Variants in EFCAB10 observed in about 807,000 individuals in gnomAD.
EFCAB10 encodes the protein EF-hand calcium binding domain 10.
EFCAB10 carries 7 observed loss-of-function variants against 7.7 expected under a neutral mutation model. That is an observed-to-expected ratio of 0.91 (90% CI 0.52 to 1.72). The LOEUF is 1.72. Ranked by LOEUF, EFCAB10 falls within the 40% of genes most tolerant of loss-of-function variation. The pLI, the probability that EFCAB10 is intolerant of heterozygous loss-of-function variation, is 0.00. For synonymous variants in EFCAB10, 52 were observed against 21.0 expected (o/e 2.47, Z -4.03); for missense variants, 112 against 61.5 (o/e 1.82, Z -2.74).
intron 1 of EFCAB10, among the ~76,000 whole-genome samples, chr7:105,573,932 A>C (rs1792006842): frequency 6.6e-6 from 1 of 152,034 alleles, no homozygotes; most frequent in Non-Finnish European, 1.5e-5. Flanking sequence ...ATAGCTTTCA[A>C]ATTCATTTTA....
intron 1 of EFCAB10, among the ~76,000 whole-genome samples, chr7:105,574,984 G>A (rs974261313): frequency 1.3e-5 from 2 of 150,490 alleles, no homozygotes; most frequent in African/African-American, 4.9e-5. Context: ...GCATAGTGGT[G>A]CGTGCCTGTA....
intron 1 of EFCAB10, 87 bp downstream of exon 1, chr7:105,581,271 G>A (rs1341640916): frequency 3.0e-6 from 2 of 666,758 alleles, no homozygotes; most frequent in Admixed American, 2.2e-5. Flanking sequence ...GGGAGGCAGT[G>A]GAAAGCGAAT....
Position 105,565,416 on chromosome 7 carries a change from C to G in EFCAB10, c.*31G>C, listed in dbSNP as rs779310406. On this transcript the variant is annotated 3_prime_UTR_variant, in exon 5 of 5. Transcript: ENST00000480514. ...TTTCTCCTTATTTAAAATTTTCTGG[C>G]AAATGCTTGTAGAGAAGCTGGATGT... The G allele has an allele frequency of 6.2e-7, 1 of 1,614,114 alleles. No homozygotes were observed.
chr7:105,578,222 A>G lies in EFCAB10; in HGVS notation c.106+3136T>C, dbSNP rs566324480. Among the ~76,000 whole-genome samples the G allele has an allele frequency of 2.6e-5, 4 of 152,362 alleles. No individual in the cohort carries two copies. In the East Asian group the frequency reaches 5.8e-4, roughly 22 times the overall value. Reference sequence around the variant, plus strand: ...ACTCAAAATATCCCCGGTTTGGATGATAACTCATACAGTCATCTTACCCAT... The same window carrying G: ...ACTCAAAATATCCCCGGTTTGGATGGTAACTCATACAGTCATCTTACCCAT... On this transcript the variant is annotated intron_variant, in intron 1 of 4. Transcript: ENST00000480514.
chr7:105,576,909 C>G (rs980054893), intron 1 of EFCAB10, among the ~76,000 whole-genome samples: 1 of 152,124 alleles, frequency 6.6e-6, no homozygotes, highest in East Asian at 1.9e-4. Flanking sequence ...CAAAAATTAG[C>G]TGGGCATGGT....
chr7:105,577,095 AC>A (rs1792100774), intron 1 of EFCAB10, among the ~76,000 whole-genome samples: 1 of 152,256 alleles, frequency 6.6e-6, no homozygotes, highest in Non-Finnish European at 1.5e-5. Flanking sequence ...TTTTAAAAAA[AC>A]AGCTACACTA....
At position 105,570,266 on chromosome 7, in the gene EFCAB10, T is replaced by TACAC. The variant is rs199655037; in HGVS notation, c.107-696_107-695insGTGT. On this transcript the variant is annotated intron_variant, in intron 1 of 4. Transcript: ENST00000480514. ...ATATATATATATATATATATATATA[T>TACAC]ATACACACACACACACATACATATA... 1.2e-3 allele frequency among the ~76,000 whole-genome samples: 98 copies of TACAC among 79,976 alleles called. No individual in the cohort carries two copies. The East Asian group carries it at 0.014, about 12-fold the overall frequency. The allele number at this position is 79,976 out of a possible 152,430, so 52.5% of individuals were successfully genotyped here. A position where few individuals can be genotyped will look rare whatever the true frequency, so the allele number is the denominator to read the frequency against.
intron 1 of EFCAB10, among the ~76,000 whole-genome samples, chr7:105,579,851 T>C (rs1792176520): frequency 6.6e-6 from 1 of 152,176 alleles, no homozygotes; most frequent in Non-Finnish European, 1.5e-5. Flanking sequence ...ATTATAAGCT[T>C]TGGAGTACTT....
intron 1 of EFCAB10, among the ~76,000 whole-genome samples, chr7:105,576,949 G>C (rs935851603): frequency 6.6e-6 from 1 of 152,020 alleles, no homozygotes; most frequent in Admixed American, 6.6e-5. Flanking sequence ...AGCTACTCTG[G>C]AGACTGAGGC....
At chr7:105,574,617 T>A (rs1049741978) in intron 1 of EFCAB10, among the ~76,000 whole-genome samples, 1 of 151,890 alleles carries the variant, frequency 6.6e-6, no homozygotes, top group Non-Finnish European at 1.5e-5. Flanking sequence ...CCCGAGTAGC[T>A]GGGATTACAG....
At chr7:105,576,760 A>G (rs1792091462) in intron 1 of EFCAB10, among the ~76,000 whole-genome samples, 1 of 152,104 alleles carries the variant, frequency 6.6e-6, no homozygotes, top group Non-Finnish European at 1.5e-5. Context: ...CTCATTATTG[A>G]AGATGGTACC....
At chr7:105,567,316 T>G in intron 4 of EFCAB10, 151 bp downstream of exon 4, 4 of 1,571,196 alleles carry the variant, frequency 2.5e-6, no homozygotes, top group Non-Finnish European at 3.5e-6. Flanking sequence ...AAATAATGTC[T>G]TTCAGAAAAA....
intron 1 of EFCAB10, among the ~76,000 whole-genome samples, chr7:105,578,089 A>G (rs1029135089): frequency 6.6e-6 from 1 of 152,166 alleles, no homozygotes; most frequent in Non-Finnish European, 1.5e-5. Context: ...TGTTGTTCAT[A>G]TCATGTTTAA....
intron 1 of EFCAB10, 40 bp from the exon 2 acceptor site, chr7:105,569,611 A>G (rs1791885293): frequency 1.0e-5 from 7 of 680,198 alleles, no homozygotes; most frequent in Middle Eastern, 2.4e-4. Context: ...ATACGAAATT[A>G]AAATATGTCG....
At chr7:105,574,468 G>A (rs1005012892) in intron 1 of EFCAB10, among the ~76,000 whole-genome samples, 1 of 151,428 alleles carries the variant, frequency 6.6e-6, no homozygotes, top group Non-Finnish European at 1.5e-5. Flanking sequence ...AGCAGGCAAA[G>A]AGAGACCTTG....
chr7:105,577,498 CTT>C (rs1792109409), intron 1 of EFCAB10, among the ~76,000 whole-genome samples: 1 of 152,016 alleles, frequency 6.6e-6, no homozygotes, highest in South Asian at 2.1e-4. Flanking sequence ...TCAAATTACT[CTT>C]GATTGCTGGA....
In EFCAB10 at chr7:105,569,417, C is replaced by G; in HGVS notation, c.261G>C (p.Gln87His). ...SSGRGTISFV[Q>H]YKEALKTLGL... ...GTAGAATGTACTGACCTTCTTTATA[C>G]TGCACAAATGATATGGTGCCTCTGC... The change falls in exon 2 of 5, where the codon CAG becomes CAC. Residue 87 changes from glutamine (Q) to histidine (H), a missense_variant. Transcript: ENST00000480514. 4 of 702,018 alleles carry G rather than the reference C, an allele frequency of 5.7e-6. No individual in the cohort carries two copies. The highest frequency in any genetic ancestry group is 1.0e-5 in the Non-Finnish European group (4 of 384,814). 43.5% of individuals were successfully genotyped at this position (702,018 alleles called of 1,614,324 possible). A position where few individuals can be genotyped will look rare whatever the true frequency, so the allele number is the denominator to read the frequency against.
chr7:105,578,532 C>A (rs1424503689), intron 1 of EFCAB10, among the ~76,000 whole-genome samples: 1 of 152,054 alleles, frequency 6.6e-6, no homozygotes, highest in African/African-American at 2.4e-5. Flanking sequence ...GTACCTAGAG[C>A]ACAAACATTA....
chr7:105,565,446 A>C lies in EFCAB10; in HGVS notation c.*1T>G, dbSNP rs1791673147. The C allele has an allele frequency of 1.2e-6, 2 of 1,614,042 alleles. No individual in the cohort carries two copies. Among genetic ancestry groups the C allele is most frequent in the East Asian group, 2.2e-5 (1 of 44,882 alleles). Reference sequence around the variant, plus strand: ...GCTTGTAGAGAAGCTGGATGTATACATCTACCAAGAAGTAAGTAAGAATAG... The same window carrying C: ...GCTTGTAGAGAAGCTGGATGTATACCTCTACCAAGAAGTAAGTAAGAATAG... On this transcript the variant is annotated splice_region_variant and 3_prime_UTR_variant, in exon 5 of 5. Coordinates refer to ENST00000480514, the MANE Select transcript of EFCAB10 (RefSeq NM_001355526.2).
Sources: allele counts gnomAD v4.1 joint callset (sites outside exome capture counted in the v4.1 genomes callset), GRCh38; gene constraint gnomAD v4.1.1; transcripts MANE v1.5; gene names NCBI Gene and HGNC (gene_info 2026-07-23, HGNC 2026-07-21).